The following TBC1D22A variants were observed in gnomAD, a reference collection of about 807,000 sequenced individuals.
The protein encoded by TBC1D22A is TBC1 domain family member 22A, also known as putative GTPase activator.
A neutral mutation model predicts 60.2 loss-of-function variants in TBC1D22A; 38 were observed. The ratio of observed to expected loss-of-function variants is 0.63; its 90% confidence interval spans 0.49 to 0.83. The LOEUF (loss-of-function observed/expected upper bound fraction) is 0.83, where lower values mean the gene tolerates loss of function less well. TBC1D22A is among the 40% of genes least tolerant of loss of function. TBC1D22A has a pLI of 0.00. For synonymous variants in TBC1D22A, 302 were observed against 281.7 expected (o/e 1.07, Z -0.72); for missense variants, 628 against 701.0 (o/e 0.90, Z 1.18).
intron 8 of TBC1D22A, chr22:46,914,347 A>G (rs113181449): frequency 0.085 from 12,877 of 151,508 alleles, 1,023 homozygotes; most frequent in African/African-American, 0.21. Flanking sequence ...AGGCAGGAGA[A>G]TCGCTTGAGA....
At chr22:46,792,675 T>C in intron 2 of TBC1D22A, 99 bp downstream of exon 2, 1 of 1,609,502 alleles carries the variant, frequency 6.2e-7, no homozygotes. Flanking sequence ...CAGGCATTCC[T>C]CAGGGAGGAG....
intron 5 of TBC1D22A, among the ~76,000 whole-genome samples, chr22:46,879,043 A>C (rs2067714140): frequency 6.6e-6 from 1 of 151,952 alleles, no homozygotes; most frequent in Non-Finnish European, 1.5e-5. Context: ...TTCAACTCCG[A>C]GGAGTTGAAA....
intron 11 of TBC1D22A, among the ~76,000 whole-genome samples, chr22:47,083,534 C>A (rs552355989): frequency 1.3e-5 from 2 of 152,112 alleles, no homozygotes; most frequent in East Asian, 3.9e-4. Context: ...AGGGGAGAAC[C>A]CTCTAAATAA....
At chr22:47,006,357 C>G (rs1055301957) in intron 10 of TBC1D22A, among the ~76,000 whole-genome samples, 8 of 152,250 alleles carry the variant, frequency 5.3e-5, no homozygotes, top group African/African-American at 1.9e-4. Context: ...TAGTTTTGGT[C>G]AATTTCTGGC....
chr22:47,011,519 G>C (rs182755213), intron 10 of TBC1D22A, among the ~76,000 whole-genome samples: 1 of 152,302 alleles, frequency 6.6e-6, no homozygotes, highest in East Asian at 1.9e-4. Flanking sequence ...CCAATGCCCA[G>C]TTTCTAGAGC....
Position 47,081,304 on chromosome 22 carries a change from G to A in TBC1D22A, c.1330-30204G>A, listed in dbSNP as rs5769358. Among the ~76,000 whole-genome samples the A allele has an allele frequency of 0.012, 1,769 of 152,268 alleles. 101 individuals carry two copies. In the East Asian group the frequency reaches 0.16, roughly 13 times the overall value. ...CATTTGACAAAATTCAGCACCCGCC[G>A]TGGTAGAAACGCTCCATAAACTAGG... On this transcript the variant is annotated intron_variant, in intron 11 of 12. Transcript: ENST00000337137.
intron 4 of TBC1D22A, among the ~76,000 whole-genome samples, chr22:46,797,945 C>T (rs952653037): frequency 1.3e-5 from 2 of 152,174 alleles, no homozygotes; most frequent in East Asian, 1.9e-4. Flanking sequence ...GATCATAGCT[C>T]ACTGCAACCT....
chr22:47,132,258 G>C (rs1233490759), intron 12 of TBC1D22A, among the ~76,000 whole-genome samples: 1 of 152,180 alleles, frequency 6.6e-6, no homozygotes, highest in East Asian at 1.9e-4. Flanking sequence ...TGCACCCCAT[G>C]TTCCTGAGCC....
At chr22:47,057,372 T>C (rs938104030) in intron 11 of TBC1D22A, among the ~76,000 whole-genome samples, 3 of 152,172 alleles carry the variant, frequency 2.0e-5, no homozygotes, top group Non-Finnish European at 4.4e-5. Context: ...TGCAGCAGGA[T>C]TTTACAAGTT....
intron 11 of TBC1D22A, among the ~76,000 whole-genome samples, chr22:47,064,773 T>C (rs1413701642): frequency 3.9e-5 from 6 of 152,226 alleles, no homozygotes; most frequent in Non-Finnish European, 8.8e-5. Flanking sequence ...TTACTCAGGA[T>C]CGCTGGCCCA....
rs199700764 is a variant in TBC1D22A, at chr22:46,891,335, T to C, written c.778T>C (p.Phe260Leu). ...GAGAAAACAAAAAGAATATTTTGCATTTATTGAGCACTATTACGATTCTAG... is the reference window on the plus strand; with the variant it reads ...GAGAAAACAAAAAGAATATTTTGCACTTATTGAGCACTATTACGATTCTAG... ...LQRKQKEYFA[F>L]IEHYYDSRND... Residue 260 changes from phenylalanine (F) to leucine (L), a missense_variant, in exon 6 of 13, where the codon TTT (phenylalanine) becomes CTT (leucine). Transcript: ENST00000337137. The C allele has an allele frequency of 2.8e-4, 450 of 1,613,592 alleles. 2 individuals are homozygous for C. Among genetic ancestry groups the C allele is most frequent in the Admixed American group, 1.3e-4 (8 of 59,886 alleles).
chr22:47,163,237 G>A (rs2068068509), intron 12 of TBC1D22A, among the ~76,000 whole-genome samples: 1 of 152,322 alleles, frequency 6.6e-6, no homozygotes, highest in African/African-American at 2.4e-5. Flanking sequence ...CCCACCCTGA[G>A]CAAACAGCCC....
At chr22:46,978,051 G>A (rs993353029) in intron 9 of TBC1D22A, among the ~76,000 whole-genome samples, 4 of 152,344 alleles carry the variant, frequency 2.6e-5, no homozygotes, top group African/African-American at 9.6e-5. Flanking sequence ...AGCGAACAGC[G>A]CTGACTCCAC....
chr22:47,004,892 C>A (rs1249581988), intron 10 of TBC1D22A, among the ~76,000 whole-genome samples: 1 of 151,810 alleles, frequency 6.6e-6, no homozygotes, highest in Non-Finnish European at 1.5e-5. Context: ...TACACACACC[C>A]CTATATATAC....
At chr22:47,017,963 G>C (rs1263838017) in intron 10 of TBC1D22A, among the ~76,000 whole-genome samples, 2 of 152,266 alleles carry the variant, frequency 1.3e-5, no homozygotes, top group South Asian at 4.1e-4. Context: ...CATGCTGCCT[G>C]TGGACACCTC....
chr22:46,873,853 G>A (rs1167383238), intron 4 of TBC1D22A, among the ~76,000 whole-genome samples: 4 of 151,598 alleles, frequency 2.6e-5, no homozygotes, highest in Admixed American at 6.6e-5. Flanking sequence ...GAGAGGTGCA[G>A]TGGCACGATC....
At chr22:46,839,946 T>C (rs750536771) in intron 4 of TBC1D22A, among the ~76,000 whole-genome samples, 5 of 152,138 alleles carry the variant, frequency 3.3e-5, no homozygotes, top group South Asian at 2.1e-4. Context: ...AAAAGTCAAC[T>C]TAAAATGGAT....
At chr22:46,854,994 A>G (rs1347099288) in intron 4 of TBC1D22A, among the ~76,000 whole-genome samples, 1 of 152,234 alleles carries the variant, frequency 6.6e-6, no homozygotes, top group African/African-American at 2.4e-5. Flanking sequence ...TAGTCATTAT[A>G]ATAGTTAATA....
At chr22:47,158,477 C>A (rs141327880) in intron 12 of TBC1D22A, among the ~76,000 whole-genome samples, 1 of 152,138 alleles carries the variant, frequency 6.6e-6, no homozygotes, top group East Asian at 1.9e-4. Flanking sequence ...CAGTTCCCCC[C>A]CCAATCTGAA....
Sources: allele counts gnomAD v4.1 joint callset (sites outside exome capture counted in the v4.1 genomes callset), GRCh38; gene constraint gnomAD v4.1.1; transcripts MANE v1.5; gene names NCBI Gene and HGNC (gene_info 2026-07-23, HGNC 2026-07-21).